The following SPATA16 variants were observed in gnomAD, a reference collection of about 807,000 sequenced individuals.
SPATA16 encodes spermatogenesis-associated protein 16.
In SPATA16, 36 loss-of-function variants were observed where a neutral mutation model predicts 63.3. The observed-to-expected ratio is 0.57, with a 90% confidence interval of 0.44 to 0.75. The LOEUF is 0.75. SPATA16 is among the 30% of genes least tolerant of loss of function. SPATA16 has a pLI of 0.00. For missense variants in SPATA16, 646 were observed against 679.3 expected (o/e 0.95, Z 0.54); for synonymous variants, 203 against 216.7 (o/e 0.94, Z 0.56).
chr3:172,946,777 G>A (rs763788286), intron 6 of SPATA16, among the ~76,000 whole-genome samples: 2 of 152,124 alleles, frequency 1.3e-5, no homozygotes, highest in East Asian at 3.9e-4. Flanking sequence ...TCACCACCCT[G>A]AAGGGAAGGA....
intron 6 of SPATA16, among the ~76,000 whole-genome samples, chr3:172,936,421 G>C (rs1252273250): frequency 6.6e-6 from 1 of 152,174 alleles, no homozygotes; most frequent in Non-Finnish European, 1.5e-5. Flanking sequence ...AGATATGAAA[G>C]CTCTGTGTAC....
At chr3:173,062,933 G>A (rs928264916) in intron 2 of SPATA16, among the ~76,000 whole-genome samples, 7 of 152,124 alleles carry the variant, frequency 4.6e-5, no homozygotes, top group African/African-American at 9.7e-5. Flanking sequence ...TAATGCCCCC[G>A]CTGATCTGAC....
intron 4 of SPATA16, among the ~76,000 whole-genome samples, chr3:172,991,193 G>A (rs1009047356): frequency 1.3e-5 from 2 of 151,996 alleles, no homozygotes; most frequent in Admixed American, 1.3e-4. Flanking sequence ...TTATGTGAAC[G>A]CCTATTGTTC....
intron 3 of SPATA16, among the ~76,000 whole-genome samples, chr3:173,028,013 C>CCCTTCCTTCTTT (rs1200841564): frequency 8.6e-5 from 3 of 35,038 alleles, no homozygotes; most frequent in African/African-American, 6.3e-4. Flanking sequence ...CTCCCTCCCT[C>CCCTTCCTTCTTT]CCTTCCTTCT....
chr3:173,115,515 G>A (rs1314495370), intron 2 of SPATA16, among the ~76,000 whole-genome samples: 1 of 152,114 alleles, frequency 6.6e-6, no homozygotes, highest in Non-Finnish European at 1.5e-5. Flanking sequence ...TCTTTTGGGG[G>A]TTTGTGGATA....
At position 173,117,629 on chromosome 3, in the gene SPATA16, C is replaced by G. The variant is rs748886009; in HGVS notation, c.103G>C (p.Ala35Pro). 6.2e-7 allele frequency: 1 copy of G among 1,613,860 alleles called. No individual in the cohort carries two copies. The highest frequency in any genetic ancestry group is 1.7e-5 in the Admixed American group (1 of 59,982). ...ATTTCCAGGATGTTAGGTGGGTGCGCTAAGGTGGACATTTTCTTGCTTGTG... is the reference window on the plus strand; with the variant it reads ...ATTTCCAGGATGTTAGGTGGGTGCGGTAAGGTGGACATTTTCTTGCTTGTG... ...INTSKKMSTL[A>P]HPPNILEMSQ... The change falls in exon 2 of 11, where the codon GCG becomes CCG. Residue 35 changes from alanine to proline, a missense_variant. Transcript: ENST00000351008.
At chr3:173,092,948 T>C (rs113868715) in intron 2 of SPATA16, among the ~76,000 whole-genome samples, 1 of 152,010 alleles carries the variant, frequency 6.6e-6, no homozygotes, top group Non-Finnish European at 1.5e-5. Context: ...CCCCTCCTGT[T>C]ATTCTCTATC....
chr3:173,031,433 G>A (rs1735606630), intron 3 of SPATA16, among the ~76,000 whole-genome samples: 1 of 151,952 alleles, frequency 6.6e-6, no homozygotes, highest in Admixed American at 6.6e-5. Flanking sequence ...TATTAAACAA[G>A]CAATTGTTCA....
chr3:172,896,218 T>C (rs1732005561), intron 10 of SPATA16, among the ~76,000 whole-genome samples: 1 of 152,180 alleles, frequency 6.6e-6, no homozygotes, highest in Admixed American at 6.5e-5. Context: ...TTTAGTTTTA[T>C]TTATTATTTT....
chr3:173,105,166 T>C (rs960264194), intron 2 of SPATA16, among the ~76,000 whole-genome samples: 1 of 152,214 alleles, frequency 6.6e-6, no homozygotes, highest in South Asian at 2.1e-4. Context: ...ATTGTGCCAA[T>C]ACATAAAATT....
At chr3:173,116,943 A>C (rs1737914310) in intron 2 of SPATA16, among the ~76,000 whole-genome samples, 177 bp downstream of exon 2, 1 of 152,212 alleles carries the variant, frequency 6.6e-6, no homozygotes, top group Non-Finnish European at 1.5e-5. Context: ...ATTAATTTGC[A>C]GGCATAGCTT....
chr3:173,111,361 G>T (rs1366447519), intron 2 of SPATA16, among the ~76,000 whole-genome samples: 2 of 152,154 alleles, frequency 1.3e-5, no homozygotes, highest in Non-Finnish European at 2.9e-5. Flanking sequence ...AGTGAGCCGA[G>T]ATCGTACCAC....
intron 9 of SPATA16, 50 bp from the exon 10 acceptor site, chr3:172,913,794 C>T: frequency 6.7e-7 from 1 of 1,492,026 alleles, no homozygotes; most frequent in Non-Finnish European, 9.3e-7. Context: ...ACAGAAATAA[C>T]TTCTCTAAAT....
chr3:173,111,057 A>G (rs1737739089), intron 2 of SPATA16, among the ~76,000 whole-genome samples: 1 of 152,242 alleles, frequency 6.6e-6, no homozygotes, highest in African/African-American at 2.4e-5. Flanking sequence ...AGAAGTCCAG[A>G]TGTGAAATCA....
At chr3:172,995,497 C>T (rs1385709473) in intron 4 of SPATA16, among the ~76,000 whole-genome samples, 1 of 151,846 alleles carries the variant, frequency 6.6e-6, no homozygotes, top group Non-Finnish European at 1.5e-5. Flanking sequence ...GCTTCAGAAG[C>T]TAAAATTAAG....
intron 2 of SPATA16, among the ~76,000 whole-genome samples, chr3:173,063,385 G>A (rs1356830004): frequency 6.6e-6 from 1 of 152,154 alleles, no homozygotes; most frequent in Non-Finnish European, 1.5e-5. Flanking sequence ...CTCTACGGTT[G>A]GTCAGAGTGA....
intron 6 of SPATA16, among the ~76,000 whole-genome samples, chr3:172,936,395 G>A (rs947177477): frequency 3.3e-5 from 5 of 152,200 alleles, no homozygotes; most frequent in Non-Finnish European, 2.9e-5. Context: ...TTATAGGAGG[G>A]TGATATTCTC....
At chr3:173,022,186 T>TA (rs143629760) in intron 3 of SPATA16, among the ~76,000 whole-genome samples, 46 of 151,374 alleles carry the variant, frequency 3.0e-4, no homozygotes, top group African/African-American at 7.8e-4. Context: ...AGATAGGAAT[T>TA]AAAAAAAAAT....
chr3:172,978,161 C>CTATATA lies in SPATA16; in HGVS notation c.849-1115_849-1110dup, dbSNP rs56787481. Among the ~76,000 whole-genome samples, 362 of 147,312 alleles carry CTATATA rather than the reference C, an allele frequency of 2.5e-3. 2 individuals carry two copies. The highest frequency in any genetic ancestry group is 8.9e-3 in the African/African-American group (354 of 39,612). On this transcript the variant is annotated intron_variant, in intron 4 of 10. Transcript: ENST00000351008. ...TCCCTCTCTCTCTCTCTCTCTCTCT[C>CTATATA]TATATATATATATAAACACAGGTAG... is the stretch of plus-strand genomic sequence containing the variant.
Sources: gnomAD v4.1 joint callset for allele counts (sites outside exome capture counted in the v4.1 genomes callset) on GRCh38, gnomAD v4.1.1 for gene constraint, MANE v1.5 for transcripts, NCBI Gene and HGNC (gene_info 2026-07-23, HGNC 2026-07-21) for gene names.